Variants in JAKMIP2 observed in about 807,000 individuals in gnomAD.
The protein encoded by JAKMIP2 is janus kinase and microtubule interacting protein 2, also known as janus kinase and microtubule-interacting protein 2.
Under a neutral mutation model 115.0 loss-of-function variants are expected in JAKMIP2, and 25 were observed. The observed-to-expected ratio is 0.22, with a 90% CI of 0.16 to 0.30. The LOEUF (loss-of-function observed/expected upper bound fraction) is 0.30, where lower values mean the gene tolerates loss of function less well. Ranked by LOEUF, JAKMIP2 falls within the 10% of genes least tolerant of loss-of-function variation. The probability of loss-of-function intolerance (pLI) is 1.00; values close to 1 mark genes in which losing one functional copy is unlikely to be tolerated. For missense variants in JAKMIP2, 642 were observed against 957.6 expected (o/e 0.67, Z 4.35); for synonymous variants, 334 against 343.6 (o/e 0.97, Z 0.31).
chr5:147,751,258 T>TG (rs1375661341), intron 1 of JAKMIP2, among the ~76,000 whole-genome samples: 18 of 142,306 alleles, frequency 1.3e-4, no homozygotes, highest in Admixed American at 6.1e-4. Flanking sequence ...TTGTTGTTGT[T>TG]TTTTTTTTTT....
chr5:147,693,249 T>C (rs1183756255), intron 1 of JAKMIP2, among the ~76,000 whole-genome samples: 1 of 152,214 alleles, frequency 6.6e-6, no homozygotes, highest in Non-Finnish European at 1.5e-5. Flanking sequence ...GCATGTTACT[T>C]AACATCTCTC....
chr5:147,616,188 A>G (rs1756571725), intron 19 of JAKMIP2, among the ~76,000 whole-genome samples: 1 of 152,208 alleles, frequency 6.6e-6, no homozygotes, highest in Non-Finnish European at 1.5e-5. Context: ...GATATACTTT[A>G]GAAGTTAGAG....
intron 1 of JAKMIP2, among the ~76,000 whole-genome samples, chr5:147,715,541 G>GA (rs1276026501): frequency 1.3e-5 from 2 of 150,580 alleles, no homozygotes; most frequent in African/African-American, 4.9e-5. Context: ...ATTAATACTA[G>GA]AAAAAAAAGA....
chr5:147,764,143 A>G (rs1053387092), intron 1 of JAKMIP2, among the ~76,000 whole-genome samples: 1 of 152,172 alleles, frequency 6.6e-6, no homozygotes, highest in Non-Finnish European at 1.5e-5. Flanking sequence ...GAGAGAATAC[A>G]CAAAACACCT....
intron 1 of JAKMIP2, among the ~76,000 whole-genome samples, chr5:147,716,728 G>T (rs1703442680): frequency 6.7e-6 from 1 of 149,368 alleles, no homozygotes. Context: ...GGAGTTCATT[G>T]TAGATTCTGG....
chr5:147,642,988 T>C (rs1757954095), intron 7 of JAKMIP2, among the ~76,000 whole-genome samples: 1 of 152,094 alleles, frequency 6.6e-6, no homozygotes, highest in South Asian at 2.1e-4. Context: ...TGATTCTTCC[T>C]GCCCTGGAAC....
chr5:147,608,913 C>T (rs1428234861), intron 20 of JAKMIP2, among the ~76,000 whole-genome samples: 1 of 151,828 alleles, frequency 6.6e-6, no homozygotes, highest in African/African-American at 2.4e-5. Context: ...GCATCGATCT[C>T]TTTACCATTA....
In JAKMIP2 at chr5:147,660,930, T is replaced by C; in HGVS notation, c.627+18A>G. 3.1e-6 allele frequency: 5 copies of C among 1,612,032 alleles called. No homozygotes were observed. Among genetic ancestry groups the C allele is most frequent in the Non-Finnish European group, 2.5e-6 (3 of 1,179,204 alleles). ...AGAGATGGGTTCTACATGGGTCTGA[T>C]GGGATTACTGTACTAACCAGCCTCC... On this transcript the variant is annotated intron_variant, in intron 3 of 21. Transcript: ENST00000616793.
chr5:147,619,205 G>A (rs1007737963), intron 18 of JAKMIP2, among the ~76,000 whole-genome samples: 1 of 152,002 alleles, frequency 6.6e-6, no homozygotes, highest in African/African-American at 2.4e-5. Context: ...TCTTGTCCTG[G>A]GCTAAGCAGG....
chr5:147,602,485 T>C (rs1755751092), intron 20 of JAKMIP2, among the ~76,000 whole-genome samples: 1 of 152,200 alleles, frequency 6.6e-6, no homozygotes, highest in Non-Finnish European at 1.5e-5. Context: ...AATGGGCATT[T>C]CACATAATAA....
At position 147,661,081 on chromosome 5, in the gene JAKMIP2, T is replaced by A; in HGVS notation, c.494A>T (p.Gln165Leu). 6.2e-7 allele frequency: 1 copy of A among 1,614,110 alleles called. No individual in the cohort carries two copies. Among genetic ancestry groups the A allele is most frequent in the Non-Finnish European group, 8.5e-7 (1 of 1,180,036 alleles). ...CATATTGCTCAGAGCCTCGTCCACCTGCTTCTTGGCCGTTTTCAGGTCCGC... is the reference window on the plus strand; with the variant it reads ...CATATTGCTCAGAGCCTCGTCCACCAGCTTCTTGGCCGTTTTCAGGTCCGC... ...EIADLKTAKK[Q>L]VDEALSNMIQ... is the part of the protein sequence containing the mutation. Residue 165 changes from glutamine (Q) to leucine (L), a missense_variant, in exon 3 of 22, where the codon CAG becomes CTG. Around this residue, in one of 6 missense-constraint regions of JAKMIP2, gnomAD observed 439 missense variants for 570.9 expected, o/e 0.77. Transcript: ENST00000616793.
At chr5:147,633,062 C>T (rs1046913955) in intron 12 of JAKMIP2, among the ~76,000 whole-genome samples, 8 of 152,076 alleles carry the variant, frequency 5.3e-5, no homozygotes, top group Non-Finnish European at 1.0e-4. Flanking sequence ...ACTCACTTTG[C>T]CCTTGTGATG....
chr5:147,629,393 G>A lies in JAKMIP2; in HGVS notation c.1929+300C>T, dbSNP rs2304037. 6.3e-3 allele frequency among the ~76,000 whole-genome samples: 958 copies of A among 152,270 alleles called. 52 individuals are homozygous for A. The East Asian group carries it at 0.13, about 21-fold the overall frequency. On this transcript the variant is annotated intron_variant, in intron 15 of 21. Coordinates refer to ENST00000616793, the MANE Select transcript of JAKMIP2 (RefSeq NM_001270941.2). ...GTGACTGATTAATTTCACACTGGAT[G>A]CCTTTGAGCTAGAGTCAGACAATAA...
intron 1 of JAKMIP2, among the ~76,000 whole-genome samples, chr5:147,778,199 T>C (rs1755633631): frequency 6.6e-6 from 1 of 152,138 alleles, no homozygotes; most frequent in Non-Finnish European, 1.5e-5. Context: ...GTTCTGATTT[T>C]CACCCAAACA....
At chr5:147,648,620 T>C in intron 4 of JAKMIP2, 146 bp from the exon 5 acceptor site, 1 of 602,214 alleles carries the variant, frequency 1.7e-6, no homozygotes, top group Non-Finnish European at 2.9e-6. Flanking sequence ...ATCCAAAGAG[T>C]AAATATTTAC....
At chr5:147,647,453 T>C (rs1176542587) in intron 5 of JAKMIP2, among the ~76,000 whole-genome samples, 1 of 151,948 alleles carries the variant, frequency 6.6e-6, no homozygotes, top group Non-Finnish European at 1.5e-5. Flanking sequence ...TAAATGCAAA[T>C]GTACCACAAG....
intron 1 of JAKMIP2, among the ~76,000 whole-genome samples, chr5:147,674,935 G>A (rs961655782): frequency 5.9e-5 from 9 of 152,100 alleles, no homozygotes; most frequent in Non-Finnish European, 1.2e-4. Flanking sequence ...CCATGTGAGG[G>A]GTAATACAGC....
intron 1 of JAKMIP2, among the ~76,000 whole-genome samples, chr5:147,714,431 C>A (rs1166755926): frequency 6.6e-6 from 1 of 151,766 alleles, no homozygotes. Context: ...ATGGAGAGAC[C>A]AAAAGACGGA....
chr5:147,590,465 A>T lies in JAKMIP2; in HGVS notation c.*1242T>A, dbSNP rs1421008088. ...GTCAGTAACATAATGTTATTTCCAT[A>T]TAAAAAAGTAGAGCTATCTTGTTGC... is the stretch of plus-strand genomic sequence containing the variant. On this transcript the variant is annotated 3_prime_UTR_variant, in exon 22 of 22. Coordinates refer to ENST00000616793, the MANE Select transcript of JAKMIP2 (RefSeq NM_001270941.2). 1 of 152,206 alleles carries T rather than the reference A, an allele frequency of 6.6e-6. No homozygotes were observed. Among genetic ancestry groups the T allele is most frequent in the African/African-American group, 2.4e-5 (1 of 41,456 alleles). 9.4% of individuals were successfully genotyped at this position (152,206 alleles called of 1,614,324 possible). A position where few individuals can be genotyped will look rare whatever the true frequency, so the allele number is the denominator to read the frequency against.
Sources: allele counts gnomAD v4.1 joint callset (sites outside exome capture counted in the v4.1 genomes callset), GRCh38; gene constraint gnomAD v4.1.1; regional missense constraint gnomAD v4.1.1; transcripts MANE v1.5; gene names NCBI Gene and HGNC (gene_info 2026-07-23, HGNC 2026-07-21).